LYST: variants seen among roughly 807,000 people sequenced by gnomAD.
LYST encodes the protein lysosomal trafficking regulator.
In LYST, 192 loss-of-function variants were observed where a neutral mutation model predicts 413.6. The observed-to-expected ratio is 0.46, with a 90% CI of 0.41 to 0.52. LYST has a LOEUF of 0.52. LYST is among the 20% of genes least tolerant of loss of function. LYST has a pLI of 0.00. For missense variants in LYST, 3,815 were observed against 4,499.9 expected, an observed-to-expected ratio of 0.85 and a Z score of 4.35; for synonymous variants, 1,525 against 1,567.3, an observed-to-expected ratio of 0.97 and a Z score of 0.64.
At chr1:235,706,554 A>G (rs1012991880) in intron 44 of LYST, among the ~76,000 whole-genome samples, 1 of 152,136 alleles carries the variant, frequency 6.6e-6, no homozygotes, top group African/African-American at 2.4e-5. Context: ...GCATTAAATA[A>G]ATTTATATGC....
At chr1:235,848,287 G>T (rs1323879232) in intron 1 of LYST, among the ~76,000 whole-genome samples, 1 of 151,976 alleles carries the variant, frequency 6.6e-6, no homozygotes, top group Non-Finnish European at 1.5e-5. Flanking sequence ...ATGAGCATTG[G>T]GTCAAAAACG....
chr1:235,865,541 T>C (rs4660116), intron 1 of LYST, among the ~76,000 whole-genome samples: 122,741 of 152,224 alleles, frequency 0.81, 49,788 homozygotes, highest in African/African-American at 0.91. Flanking sequence ...GAAGTATTTT[T>C]ATGCAAATTA....
intron 3 of LYST, among the ~76,000 whole-genome samples, chr1:235,819,566 T>C (rs1674528640): frequency 6.6e-6 from 1 of 152,230 alleles, no homozygotes; most frequent in Non-Finnish European, 1.5e-5. Context: ...ATATATGCCA[T>C]GAACAGGTCC....
At chr1:235,737,671 G>T (rs1007888043) in intron 31 of LYST, 1 of 153,734 alleles carries the variant, frequency 6.5e-6, no homozygotes, top group Non-Finnish European at 1.4e-5. Context: ...ATCTACAGAG[G>T]TGTTAATTTT....
At chr1:235,838,544 T>C (rs1248574993) in intron 1 of LYST, among the ~76,000 whole-genome samples, 1 of 152,138 alleles carries the variant, frequency 6.6e-6, no homozygotes, top group Non-Finnish European at 1.5e-5. Flanking sequence ...AAATGATCTC[T>C]AGAGTCTTTT....
intron 48 of LYST, among the ~76,000 whole-genome samples, chr1:235,682,396 C>A (rs1402022814): frequency 2.6e-5 from 4 of 152,096 alleles, no homozygotes; most frequent in Non-Finnish European, 4.4e-5. Context: ...AGGCTGCTGG[C>A]GGACATGGAG....
rs190975027 is a variant in LYST, at chr1:235,799,368, T to C, written c.4006+952A>G. 1.2e-4 allele frequency among the ~76,000 whole-genome samples: 18 copies of C among 152,260 alleles called. 1 individual carries two copies. The East Asian group carries it at 3.5e-3, about 29-fold the overall frequency. On this transcript the variant is annotated intron_variant, in intron 10 of 52. Coordinates refer to ENST00000389793, the MANE Select transcript of LYST (RefSeq NM_000081.4). ...CTCCCCACAAGATACTTATTAATTA[T>C]AAAGGGAAAATAGTAACTTTACAAT...
At position 235,664,112 on chromosome 1, in the gene LYST, C is replaced by T; in HGVS notation, c.11196-57G>A. The T allele has an allele frequency of 7.9e-7, 1 of 1,264,060 alleles. No individual in the cohort carries two copies. The highest frequency in any genetic ancestry group is 1.2e-6 in the Non-Finnish European group (1 of 862,250). The allele number at this position is 1,264,060 out of a possible 1,614,324, so 78.3% of individuals were successfully genotyped here. A position where few individuals can be genotyped will look rare whatever the true frequency, so the allele number is the denominator to read the frequency against. ...AACTAAAATTACTCTCCCTAAAAAG[C>T]CCTCTATATTTGTTTATTTGTTAAA... On this transcript the variant is annotated intron_variant, in intron 51 of 52. Coordinates refer to ENST00000389793, the MANE Select transcript of LYST (RefSeq NM_000081.4). This position sits in a 1 kb window ranked among gnomAD's most constrained non-coding sequence, Gnocchi z 4.5.
chr1:235,813,220 G>A (rs1289330912), intron 3 of LYST, among the ~76,000 whole-genome samples, 159 bp from the exon 4 acceptor site: 1 of 152,192 alleles, frequency 6.6e-6, no homozygotes, highest in Non-Finnish European at 1.5e-5. Flanking sequence ...AGTTAAAGCT[G>A]TGATACTTTT....
chr1:235,731,132 C>T lies in LYST; in HGVS notation c.8847G>A (p.Leu2949=). 1 of 1,613,874 alleles carries T rather than the reference C, an allele frequency of 6.2e-7. No individual in the cohort carries two copies. Among genetic ancestry groups the T allele is most frequent in the Non-Finnish European group, 8.5e-7 (1 of 1,179,884 alleles). Residue 2949 remains leucine, a synonymous_variant, in exon 35 of 53, where the codon TTG becomes TTA. Coordinates refer to ENST00000389793, the MANE Select transcript of LYST (RefSeq NM_000081.4). ...CTCGATTTGGCCCTTCTGTTGGATC[C>T]AACTGCCATGAGGTTGGATAGTAGA... The part of the protein sequence containing the change: ...DPIYYPTSWQ[L]DPTEGPNRER...
intron 1 of LYST, among the ~76,000 whole-genome samples, chr1:235,856,874 T>C (rs1241208940): frequency 1.3e-5 from 2 of 151,400 alleles, no homozygotes; most frequent in African/African-American, 2.4e-5. Flanking sequence ...CACTTAAATA[T>C]GAAAAGTAGG....
chr1:235,786,739 G>A (rs1236101190), intron 14 of LYST, among the ~76,000 whole-genome samples: 5 of 152,056 alleles, frequency 3.3e-5, no homozygotes, highest in African/African-American at 1.2e-4. Context: ...ATGAGTTCAT[G>A]TCCTTTGTAC....
In LYST at chr1:235,752,156, T is replaced by C; in HGVS notation, c.7476A>G (p.Glu2492=). 2 of 1,609,176 alleles carry C rather than the reference T, an allele frequency of 1.2e-6. No homozygotes were observed. Among genetic ancestry groups the C allele is most frequent in the Non-Finnish European group, 1.7e-6 (2 of 1,176,280 alleles). The change falls in exon 27 of 53, where the codon GAA becomes GAG. Residue 2492 remains glutamate (E), a synonymous_variant. Transcript: ENST00000389793. The stretch of plus-strand genomic sequence containing the variant: ...GTATATCACAAGCAAGCAATTTATA[T>C]TCACTCATGGGAATGCTAAAGATAA... ...NGLEKNIPMS[E]YKLLACDIQQ... is the part of the protein sequence containing the mutation.
intron 1 of LYST, among the ~76,000 whole-genome samples, chr1:235,835,412 A>G (rs949390113): frequency 2.0e-5 from 3 of 152,196 alleles, no homozygotes; most frequent in African/African-American, 7.2e-5. Flanking sequence ...CAGCTAACTC[A>G]GCGTGGCCGT....
rs1036611166 is a variant in LYST at position 235,662,189 on chromosome 1, C to A, written c.*751G>T. ...TTGTGTTTAAACCTCAGTGACTCAA[C>A]TAAGGATAGTCAATATCTAGCGTTA... On this transcript the variant is annotated 3_prime_UTR_variant, in exon 53 of 53. Transcript: ENST00000389793. 2 of 152,546 alleles carry A rather than the reference C, an allele frequency of 1.3e-5. No individual in the cohort carries two copies. Among genetic ancestry groups the A allele is most frequent in the Non-Finnish European group, 2.9e-5 (2 of 68,356 alleles). 9.4% of individuals were successfully genotyped at this position (152,546 alleles called of 1,614,324 possible).
At chr1:235,796,828 T>C (rs1671600211) in intron 10 of LYST, among the ~76,000 whole-genome samples, 1 of 152,242 alleles carries the variant, frequency 6.6e-6, no homozygotes, top group Non-Finnish European at 1.5e-5. Flanking sequence ...ACTCAGTCTG[T>C]GGTATTCCAT....
chr1:235,794,848 T>C (rs1671393219), intron 10 of LYST, among the ~76,000 whole-genome samples: 1 of 152,194 alleles, frequency 6.6e-6, no homozygotes, highest in African/African-American at 2.4e-5. Flanking sequence ...TTACTTTTTT[T>C]TTCCAGTTCA....
chr1:235,849,775 CA>C (rs57262471), intron 1 of LYST, among the ~76,000 whole-genome samples: 2,118 of 61,736 alleles, frequency 0.034, 41 homozygotes, highest in African/African-American at 0.083. Context: ...ACAATAGCTC[CA>C]AAAAAAAAAA....
intron 12 of LYST, among the ~76,000 whole-genome samples, chr1:235,789,913 T>C (rs1015200561): frequency 2.0e-5 from 3 of 152,162 alleles, no homozygotes; most frequent in Non-Finnish European, 4.4e-5. Flanking sequence ...ACAACCATCT[T>C]ATAAGGTAAA....
Sources: allele counts gnomAD v4.1 joint callset (sites outside exome capture counted in the v4.1 genomes callset), GRCh38; gene constraint gnomAD v4.1.1; non-coding constraint Gnocchi (gnomAD v3.1); transcripts MANE v1.5; gene names NCBI Gene and HGNC (gene_info 2026-07-23, HGNC 2026-07-21).